CTNNA2: variants seen among roughly 807,000 people sequenced by gnomAD.
CTNNA2 encodes the protein catenin alpha 2.
CTNNA2 carries 42 observed loss-of-function variants against 101.0 expected under a neutral mutation model. That is an observed-to-expected ratio of 0.42 (90% CI 0.32 to 0.54). The LOEUF is 0.54. CTNNA2 is among the 20% of genes least tolerant of loss of function. The pLI is 0.14. For synonymous variants in CTNNA2, 450 were observed against 456.4 expected, an observed-to-expected ratio of 0.99 and a Z score of 0.18; for missense variants, 871 against 1,223.1, an observed-to-expected ratio of 0.71 and a Z score of 4.29.
chr2:80,552,674 T>C (rs963066780), intron 11 of CTNNA2, among the ~76,000 whole-genome samples: 1 of 152,208 alleles, frequency 6.6e-6, no homozygotes, highest in African/African-American at 2.4e-5. Flanking sequence ...ACTGCATACC[T>C]ACACTACATG....
chr2:79,840,982 C>G (rs1383891732), intron 3 of CTNNA2, among the ~76,000 whole-genome samples: 8 of 152,048 alleles, frequency 5.3e-5, no homozygotes, highest in African/African-American at 1.7e-4. Context: ...TGTTAGCCAA[C>G]ATGGTCTTGA....
intron 3 of CTNNA2, among the ~76,000 whole-genome samples, chr2:79,315,590 A>C (rs1676478603): frequency 6.6e-6 from 1 of 152,158 alleles, no homozygotes; most frequent in Non-Finnish European, 1.5e-5. Flanking sequence ...ATTCATTTTT[A>C]TGGTGTAATA....
intron 4 of CTNNA2, among the ~76,000 whole-genome samples, chr2:79,409,615 T>C (rs1343008120): frequency 5.3e-5 from 8 of 150,486 alleles, no homozygotes; most frequent in African/African-American, 2.0e-4. Flanking sequence ...GTTGTAGATA[T>C]GCGGCATTAT....
chr2:80,369,966 T>C (rs1573866954), intron 7 of CTNNA2, among the ~76,000 whole-genome samples: 1 of 152,292 alleles, frequency 6.6e-6, no homozygotes, highest in African/African-American at 2.4e-5. Context: ...TAAGACAATA[T>C]ATTTGTGCTA....
chr2:80,520,435 T>C (rs868305686), intron 9 of CTNNA2, among the ~76,000 whole-genome samples: 2 of 151,976 alleles, frequency 1.3e-5, no homozygotes, highest in South Asian at 4.2e-4. Flanking sequence ...TCGGTTCAGG[T>C]ATTATAACAA....
chr2:80,603,183 A>G (rs926247638), intron 15 of CTNNA2, among the ~76,000 whole-genome samples: 3 of 152,128 alleles, frequency 2.0e-5, no homozygotes, highest in Non-Finnish European at 4.4e-5. Flanking sequence ...GATGCTAAAA[A>G]TGATAAACAT....
intron 2 of CTNNA2, among the ~76,000 whole-genome samples, chr2:79,259,619 A>G (rs897819464): frequency 6.6e-6 from 1 of 152,076 alleles, no homozygotes; most frequent in South Asian, 2.1e-4. Context: ...GACAAGTTTG[A>G]GTTGGGGGCC....
chr2:79,191,787 A>G (rs938952474), intron 1 of CTNNA2, among the ~76,000 whole-genome samples: 1 of 152,158 alleles, frequency 6.6e-6, no homozygotes, highest in Non-Finnish European at 1.5e-5. Context: ...GGGAAGTCAC[A>G]AGCATGTGTG....
chr2:79,646,523 TC>T (rs1211285001), intron 1 of CTNNA2, among the ~76,000 whole-genome samples: 8 of 124,946 alleles, frequency 6.4e-5, no homozygotes, highest in African/African-American at 1.8e-4. Flanking sequence ...TTTCTTTCTG[TC>T]TTTTTTTTTT....
chr2:80,002,897 C>G (rs1693055781), intron 7 of CTNNA2, among the ~76,000 whole-genome samples: 1 of 152,242 alleles, frequency 6.6e-6, no homozygotes, highest in African/African-American at 2.4e-5. Context: ...TCCAGCCACA[C>G]ACGAACTAAA....
intron 1 of CTNNA2, among the ~76,000 whole-genome samples, chr2:79,639,363 T>C (rs577392800): frequency 6.6e-6 from 1 of 152,324 alleles, no homozygotes; most frequent in East Asian, 1.9e-4. Context: ...GATGGATAAC[T>C]GAATGAAGGA....
chr2:80,308,113 G>T (rs1573668681), intron 7 of CTNNA2, among the ~76,000 whole-genome samples: 1 of 152,194 alleles, frequency 6.6e-6, no homozygotes, highest in Non-Finnish European at 1.5e-5. Context: ...CCTGTTTTTC[G>T]TGGTACTCTA....
intron 7 of CTNNA2, among the ~76,000 whole-genome samples, chr2:80,311,794 A>G (rs1677616009): frequency 6.6e-6 from 1 of 152,220 alleles, no homozygotes; most frequent in African/African-American, 2.4e-5. Context: ...CTTGTTTTTC[A>G]TGGTTTCAGC....
At chr2:79,322,483 T>C (rs1246567214) in intron 3 of CTNNA2, among the ~76,000 whole-genome samples, 1 of 152,194 alleles carries the variant, frequency 6.6e-6, no homozygotes, top group Admixed American at 6.5e-5. Flanking sequence ...TGGATTGGAT[T>C]TTGCATTGTC....
chr2:80,406,631 C>T (rs1679086334), intron 8 of CTNNA2, among the ~76,000 whole-genome samples: 1 of 151,970 alleles, frequency 6.6e-6, no homozygotes, highest in Admixed American at 6.6e-5. Context: ...TCGCGACCAT[C>T]GTGGCTAACG....
intron 7 of CTNNA2, among the ~76,000 whole-genome samples, chr2:80,203,570 T>A (rs961402141): frequency 1.3e-5 from 2 of 152,306 alleles, no homozygotes; most frequent in East Asian, 3.9e-4. Context: ...AAGTGGTAGG[T>A]TCCTATAGTC....
At chr2:79,725,510 C>T (rs1686782095) in intron 2 of CTNNA2, among the ~76,000 whole-genome samples, 1 of 152,170 alleles carries the variant, frequency 6.6e-6, no homozygotes. Flanking sequence ...TCACTTACAT[C>T]TTTCTAACAT....
intron 11 of CTNNA2, among the ~76,000 whole-genome samples, chr2:80,554,424 T>G (rs993583437): frequency 5.9e-5 from 9 of 152,212 alleles, no homozygotes; most frequent in African/African-American, 2.2e-4. Flanking sequence ...GTTCATGTCT[T>G]GGTGTGTTTT....
chr2:79,967,140 A>G (rs559478809), intron 7 of CTNNA2, among the ~76,000 whole-genome samples: 2 of 134,616 alleles, frequency 1.5e-5, no homozygotes, highest in East Asian at 4.7e-4. Flanking sequence ...GTGTGTGTGT[A>G]TGTTACTGCA....
Sources: gnomAD v4.1 joint callset for allele counts (sites outside exome capture counted in the v4.1 genomes callset) on GRCh38, gnomAD v4.1.1 for gene constraint, MANE v1.5 for transcripts, NCBI Gene and HGNC (gene_info 2026-07-23, HGNC 2026-07-21) for gene names.